The following MIER2 variants were observed in gnomAD, a reference collection of about 807,000 sequenced individuals.
The protein encoded by MIER2 is mesoderm induction early response protein 2.
A neutral mutation model predicts 67.6 loss-of-function variants in MIER2; 30 were observed. That is an observed-to-expected ratio of 0.44 (90% CI 0.33 to 0.60). MIER2 has a LOEUF of 0.60. MIER2 is among the 20% of genes least tolerant of loss of function. The probability of loss-of-function intolerance (pLI) is 0.02; values close to 1 mark genes in which losing one functional copy is unlikely to be tolerated. For synonymous variants in MIER2, 372 were observed against 312.6 expected (o/e 1.19, Z -2.00); for missense variants, 702 against 745.1 (o/e 0.94, Z 0.67).
chr19:311,128 G>A (rs187979718), intron 10 of MIER2, among the ~76,000 whole-genome samples: 179 of 152,354 alleles, frequency 1.2e-3, no homozygotes, highest in Middle Eastern at 3.4e-3. Context: ...CCCAGGACAC[G>A]AGGCAGAAGC....
At chr19:323,900 C>T (rs1186515940) in intron 7 of MIER2, among the ~76,000 whole-genome samples, 1 of 151,530 alleles carries the variant, frequency 6.6e-6, no homozygotes, top group South Asian at 2.1e-4. Flanking sequence ...CACAACCACA[C>T]AGACGACTCG....
intron 7 of MIER2, among the ~76,000 whole-genome samples, chr19:322,803 C>T (rs556970557): frequency 6.6e-6 from 1 of 152,168 alleles, no homozygotes; most frequent in African/African-American, 2.4e-5. Flanking sequence ...GTGCCTATGT[C>T]CACTAACGAC....
chr19:331,537 C>G (rs1325922149), intron 3 of MIER2, among the ~76,000 whole-genome samples: 1 of 151,886 alleles, frequency 6.6e-6, no homozygotes, highest in Admixed American at 6.6e-5. Flanking sequence ...GGTGTGGTGG[C>G]GTGCGACTAT....
chr19:306,320 G>C lies in MIER2; in HGVS notation c.*370C>G, dbSNP rs549531417. 5.9e-3 allele frequency: 1,838 copies of C among 311,194 alleles called. 34 individuals carry two copies. The highest frequency in any genetic ancestry group is 0.038 in the African/African-American group (1,717 of 45,676). The allele number at this position is 311,194 out of a possible 1,614,324, so 19.3% of individuals were successfully genotyped here. ...GGCGTCCTGCCCGTCTCCCCGCCGG[G>C]GCAGTGACGCCTTCCCTCGCCTCTG... On this transcript the variant is annotated 3_prime_UTR_variant, in exon 14 of 14. Transcript: ENST00000264819.
intron 1 of MIER2, among the ~76,000 whole-genome samples, chr19:343,612 C>T (rs934378531): frequency 6.6e-6 from 1 of 152,208 alleles, no homozygotes; most frequent in African/African-American, 2.4e-5. Context: ...AACGTGGCAC[C>T]ACGGCCAGGC....
At chr19:320,712 G>A (rs1202462620) in intron 7 of MIER2, among the ~76,000 whole-genome samples, 1 of 152,174 alleles carries the variant, frequency 6.6e-6, no homozygotes, top group Non-Finnish European at 1.5e-5. Context: ...AGGTGGAACG[G>A]TTTCCTCCTG....
At chr19:315,007 G>A (rs996379682) in intron 7 of MIER2, among the ~76,000 whole-genome samples, 2 of 152,100 alleles carry the variant, frequency 1.3e-5, no homozygotes, top group African/African-American at 2.4e-5. Flanking sequence ...AGGTTGCAAT[G>A]AGCCATGATT....
chr19:318,344 C>G (rs920959787), intron 7 of MIER2, among the ~76,000 whole-genome samples: 7 of 152,088 alleles, frequency 4.6e-5, no homozygotes, highest in Non-Finnish European at 8.8e-5. Context: ...TACTTATTTA[C>G]GGTAAGAAGT....
intron 3 of MIER2, among the ~76,000 whole-genome samples, chr19:328,405 C>A (rs1158275114): frequency 6.6e-6 from 1 of 151,528 alleles, no homozygotes; most frequent in Admixed American, 6.6e-5. Flanking sequence ...TTGGTAAAAT[C>A]CGACATCTAT....
At chr19:310,433 G>A (rs147819733) in intron 10 of MIER2, among the ~76,000 whole-genome samples, 8 of 152,146 alleles carry the variant, frequency 5.3e-5, no homozygotes, top group African/African-American at 1.9e-4. Context: ...TGACCAACGT[G>A]TGCTGGCTAC....
At chr19:322,233 G>A (rs968526776) in intron 7 of MIER2, among the ~76,000 whole-genome samples, 5 of 152,084 alleles carry the variant, frequency 3.3e-5, no homozygotes, top group African/African-American at 1.2e-4. Flanking sequence ...AACTAAGTTG[G>A]ATCACAGCCT....
rs756945387 is a variant in MIER2 at position 313,627 on chromosome 19, G to A, written c.672C>T (p.Asp224=). Reference sequence around the variant, plus strand: ...GGACGCTGGGGTCCCAGAGCAGCTGGTCTTCGTTCTCGTAGACTGCACAAG... The same window carrying A: ...GGACGCTGGGGTCCCAGAGCAGCTGATCTTCGTTCTCGTAGACTGCACAAG... ...RHCEKIYENE[D]QLLWDPSVLP... Residue 224 remains aspartate (D), a synonymous_variant, in exon 8 of 14, where the codon GAC becomes GAT. Transcript: ENST00000264819. 3 of 1,612,128 alleles carry A rather than the reference G, an allele frequency of 1.9e-6. No homozygotes were observed. In the South Asian group the frequency reaches 3.3e-5, roughly 18 times the overall value.
Position 334,292 on chromosome 19 carries a change from T to C in MIER2, c.243+108A>G. 5 of 1,485,210 alleles carry C rather than the reference T, an allele frequency of 3.4e-6. No homozygotes were observed. The Middle Eastern group carries it at 5.3e-4, about 158-fold the overall frequency. The allele number at this position is 1,485,210 out of a possible 1,614,324, so 92.0% of individuals were successfully genotyped here. ...CAGCATCTGGCACTTTGCAAAAAGA[T>C]GTACAATTTAGCACTTACCAATGTG... is the stretch of plus-strand genomic sequence containing the variant. On this transcript the variant is annotated intron_variant, in intron 3 of 13. Coordinates refer to ENST00000264819, the MANE Select transcript of MIER2 (RefSeq NM_017550.3).
chr19:325,487 C>A (rs1440457273), intron 7 of MIER2, 148 bp downstream of exon 7: 3 of 863,570 alleles, frequency 3.5e-6, no homozygotes, highest in Non-Finnish European at 5.6e-6. Context: ...GCCACGAGAG[C>A]CTCCCACCTC....
intron 7 of MIER2, among the ~76,000 whole-genome samples, chr19:323,236 C>G (rs1366152174): frequency 8.0e-6 from 1 of 125,434 alleles, no homozygotes; most frequent in African/African-American, 2.9e-5. Context: ...TCGAATGATA[C>G]AGTCGTCATC....
chr19:314,895 C>T (rs1222140015), intron 7 of MIER2, among the ~76,000 whole-genome samples: 1 of 151,626 alleles, frequency 6.6e-6, no homozygotes, highest in East Asian at 1.9e-4. Context: ...TTGAGACTCG[C>T]ACACTCCATC....
intron 1 of MIER2, among the ~76,000 whole-genome samples, chr19:337,091 G>C (rs568462353): frequency 6.6e-6 from 1 of 151,998 alleles, no homozygotes; most frequent in Non-Finnish European, 1.5e-5. Flanking sequence ...TGATCCGCCC[G>C]CCTCGGCCTC....
Position 311,991 on chromosome 19 carries a change from G to A in MIER2, c.890-52C>T, listed in dbSNP as rs373586701. 1.9e-4 allele frequency: 261 copies of A among 1,384,382 alleles called. No individual in the cohort carries two copies. In the African/African-American group the frequency reaches 3.1e-3, roughly 17 times the overall value. 85.8% of individuals were successfully genotyped at this position (1,384,382 alleles called of 1,614,324 possible). On this transcript the variant is annotated intron_variant, in intron 9 of 13. Transcript: ENST00000264819. ...CAGTGGTGCCCAGGGCGGGGCCGCA[G>A]CGGAAGGAAGGCCCAGGCCGGGGAG...
At chr19:328,130 C>A in intron 3 of MIER2, 141 bp from the exon 4 acceptor site, 1 of 1,145,806 alleles carries the variant, frequency 8.7e-7, no homozygotes, top group Non-Finnish European at 1.2e-6. Flanking sequence ...GGCAGCACTC[C>A]CCAGCCAGAC....
Sources: gnomAD v4.1 joint callset for allele counts (sites outside exome capture counted in the v4.1 genomes callset) on GRCh38, gnomAD v4.1.1 for gene constraint, MANE v1.5 for transcripts, NCBI Gene and HGNC (gene_info 2026-07-23, HGNC 2026-07-21) for gene names.